SIRT7: variants seen among roughly 807,000 people sequenced by gnomAD.
The protein encoded by SIRT7 is sirtuin 7.
SIRT7 carries 32 observed loss-of-function variants against 42.8 expected under a neutral mutation model. That is an observed-to-expected ratio of 0.75 (90% CI 0.56 to 1.00). SIRT7 has a LOEUF of 1.00. Ranked by LOEUF, SIRT7 falls within the 50% of genes least tolerant of loss-of-function variation. The pLI is 0.00. For synonymous variants in SIRT7, 297 were observed against 245.2 expected (o/e 1.21, Z -1.97); for missense variants, 553 against 572.2 (o/e 0.97, Z 0.34).
rs1310589153 is a variant in SIRT7, at chr17:81,912,266, G to C, written c.*150C>G. On this transcript the variant is annotated 3_prime_UTR_variant, in exon 10 of 10. Transcript: ENST00000328666. ...CAGGGTACAACCGCAGCAGTGCAAG[G>C]GGCTTCCTCAAGGACAAATGGCTAA... 1.7e-5 allele frequency: 17 copies of C among 975,686 alleles called. No individual in the cohort carries two copies. In the East Asian group the frequency reaches 4.1e-4, roughly 24 times the overall value. The allele number at this position is 975,686 out of a possible 1,614,324, so 60.4% of individuals were successfully genotyped here.
At chr17:81,915,074 A>C in intron 5 of SIRT7, 1 of 481,054 alleles carries the variant, frequency 2.1e-6, no homozygotes, top group Non-Finnish European at 3.8e-6. Context: ...TAGGCAGATC[A>C]ACCACTACAC....
rs1206479924 is a variant in SIRT7 at position 81,917,905 on chromosome 17, G to C, written c.156C>G (p.Ala52=). 5 of 1,423,924 alleles carry C rather than the reference G, an allele frequency of 3.5e-6. No homozygotes were observed. Among genetic ancestry groups the C allele is most frequent in the Non-Finnish European group, 3.7e-6 (4 of 1,090,402 alleles). The allele number at this position is 1,423,924 out of a possible 1,614,324, so 88.2% of individuals were successfully genotyped here. A position where few individuals can be genotyped will look rare whatever the true frequency, so the allele number is the denominator to read the frequency against. The change falls in exon 2 of 10, where the codon GCC becomes GCG. Residue 52 remains alanine, a synonymous_variant. Coordinates refer to ENST00000328666, the MANE Select transcript of SIRT7 (RefSeq NM_016538.3). ...GCTCCGTTACCAGGTCCGCGCTCTC[G>C]GCCAGCAGCCGGCCCTCCTCGGCGC... ...ERSAEEGRLL[A]ESADLVTELQ...
rs2040758660 is a variant in SIRT7, at chr17:81,914,628, C to T, written c.555G>A (p.Glu185=). Residue 185 remains glutamate (E), a synonymous_variant, in exon 6 of 10, where the codon GAG becomes GAA. Transcript: ENST00000328666. ...CTTCAATGTACATGTTCCCGTGGAGCTCGGAGATGGCCGTGCGCGGCAGCC... is the reference window on the plus strand; with the variant it reads ...CTTCAATGTACATGTTCCCGTGGAGTTCGGAGATGGCCGTGCGCGGCAGCC... ...RSGLPRTAIS[E]LHGNMYIEVC... is the part of the protein sequence containing the mutation. The T allele has an allele frequency of 6.2e-7, 1 of 1,613,064 alleles. No individual in the cohort carries two copies. Among genetic ancestry groups the T allele is most frequent in the African/African-American group, 1.3e-5 (1 of 74,916 alleles).
In SIRT7 at chr17:81,914,975, G is replaced by C. The variant is rs142413152; in HGVS notation, c.481-273C>G. On this transcript the variant is annotated intron_variant, in intron 5 of 9. Coordinates refer to ENST00000328666, the MANE Select transcript of SIRT7 (RefSeq NM_016538.3). Reference sequence around the variant, plus strand: ...GCAAGAGGTTGCACCGTCCCGGCAAGGTTGGGAAGTGGCTCGGGGTTTGGC... The same window carrying C: ...GCAAGAGGTTGCACCGTCCCGGCAACGTTGGGAAGTGGCTCGGGGTTTGGC... 4.2e-3 allele frequency: 2,257 copies of C among 537,814 alleles called. 33 individuals carry two copies. Among genetic ancestry groups the C allele is most frequent in the African/African-American group, 0.039 (2,065 of 52,758 alleles). The allele number at this position is 537,814 out of a possible 1,614,324, so 33.3% of individuals were successfully genotyped here. A position where few individuals can be genotyped will look rare whatever the true frequency, so the allele number is the denominator to read the frequency against.
intron 9 of SIRT7, 166 bp from the exon 10 acceptor site, chr17:81,912,780 C>T (rs1273222223): frequency 1.4e-6 from 1 of 737,880 alleles, no homozygotes; most frequent in South Asian, 1.6e-5. Flanking sequence ...TACCAAGCTG[C>T]AGAACGGATG....
rs1371726547 is a variant in SIRT7 at position 81,917,615 on chromosome 17, C to A, written c.336G>T (p.Thr112=). ...GGTACGCCTCCGCCTCCCTCCCTAC[C>A]GTGCTGATTCCCGCGCCTGTGTAGA... ...LVVYTGAGIS[T]AASIPDYRGP... is the part of the protein sequence containing the mutation. Residue 112 remains threonine (T), a splice_region_variant and synonymous_variant, in exon 3 of 10, where the codon ACG becomes ACT. Coordinates refer to ENST00000328666, the MANE Select transcript of SIRT7 (RefSeq NM_016538.3). 6.2e-7 allele frequency: 1 copy of A among 1,600,502 alleles called. No homozygotes were observed. Among genetic ancestry groups the A allele is most frequent in the Non-Finnish European group, 8.5e-7 (1 of 1,173,004 alleles).
At position 81,917,948 on chromosome 17, in the gene SIRT7, T is replaced by C; in HGVS notation, c.113A>G (p.Lys38Arg). Residue 38 changes from lysine to arginine, a missense_variant, in exon 2 of 10, where the codon AAG becomes AGG. By Grantham distance (26) the Lys-to-Arg change is conservative. Transcript: ENST00000328666. ...RLRQVSRILR[K>R]AAAERSAEEG... is the part of the protein sequence containing the mutation. ...CTCGGCGCTGCGCTCCGCCGCCGCCTTCCTCAGGATGCGCGACACCTGCGG... is the reference window on the plus strand; with the variant it reads ...CTCGGCGCTGCGCTCCGCCGCCGCCCTCCTCAGGATGCGCGACACCTGCGG... 1 of 1,376,212 alleles carries C rather than the reference T, an allele frequency of 7.3e-7. No individual in the cohort carries two copies. The allele number at this position is 1,376,212 out of a possible 1,614,324, so 85.3% of individuals were successfully genotyped here.
In SIRT7 at chr17:81,912,467, GC is replaced by G; in HGVS notation, c.1151del (p.Gly384AlafsTer16). 1 of 1,613,942 alleles carries G rather than the reference GC, an allele frequency of 6.2e-7. No homozygotes were observed. The highest frequency in any genetic ancestry group is 8.5e-7 in the Non-Finnish European group (1 of 1,179,974). ...GTTTTGTGCAGCCCCTGCCAAACCA[GC>G]CCCCTAGGATGGGGGCCGAGCTAAG... The part of the protein sequence containing the change: ...APLSSAPILG[G>X]WFGRGCTKRT... On this transcript the variant is annotated frameshift_variant, in exon 10 of 10. Coordinates refer to ENST00000328666, the MANE Select transcript of SIRT7 (RefSeq NM_016538.3). LOFTEE classifies it high-confidence loss of function.
chr17:81,915,604 C>T lies in SIRT7; in HGVS notation c.407+7G>A, dbSNP rs980355037. The T allele has an allele frequency of 1.2e-5, 20 of 1,613,646 alleles. No individual in the cohort carries two copies. Among genetic ancestry groups the T allele is most frequent in the Non-Finnish European group, 1.6e-5 (19 of 1,179,940 alleles). ...CCTATGTGGGAGGCCATGCCTGGCCCGCTTACCTAACGCTTCTCCCTTTCT... is the reference window on the plus strand; with the variant it reads ...CCTATGTGGGAGGCCATGCCTGGCCTGCTTACCTAACGCTTCTCCCTTTCT... On this transcript the variant is annotated splice_region_variant and intron_variant, in intron 4 of 9. Transcript: ENST00000328666.
chr17:81,917,587 TG>T, intron 3 of SIRT7, 27 bp downstream of exon 3: 1 of 1,572,572 alleles, frequency 6.4e-7, no homozygotes. Context: ...TACTCCGTCC[TG>T]GGGTACGCCT....
At chr17:81,916,722 C>G (rs1053776553) in intron 3 of SIRT7, 3 of 152,192 alleles carry the variant, frequency 2.0e-5, no homozygotes, top group Non-Finnish European at 4.4e-5. Context: ...ACCTCGGCCT[C>G]CCAAAGTGCT....
chr17:81,915,552 G>C, intron 4 of SIRT7, 40 bp from the exon 5 acceptor site: 2 of 1,613,194 alleles, frequency 1.2e-6, no homozygotes. Context: ...GAGAGCTGGA[G>C]CTCAGGCCCG....
Position 81,914,642 on chromosome 17 carries a change from T to C in SIRT7, c.541A>G (p.Thr181Ala), listed in dbSNP as rs760437939. Residue 181 changes from threonine (T) to alanine (A), a missense_variant, in exon 6 of 10, where the codon ACG (threonine) becomes GCG (alanine). Thr to Ala is a moderately conservative substitution (Grantham distance 58, BLOSUM62 0). Transcript: ENST00000328666. ...GLHLRSGLPR[T>A]AISELHGNMY... ...TTCCCGTGGAGCTCGGAGATGGCCG[T>C]GCGCGGCAGCCCACTCCTCAGGTGG... 1 of 1,613,066 alleles carries C rather than the reference T, an allele frequency of 6.2e-7. No individual in the cohort carries two copies. The highest frequency in any genetic ancestry group is 1.1e-5 in the South Asian group (1 of 91,082).
Position 81,912,414 on chromosome 17 carries a change from G to A in SIRT7, c.*2C>T. The A allele has an allele frequency of 6.2e-7, 1 of 1,614,094 alleles. No homozygotes were observed. Among genetic ancestry groups the A allele is most frequent in the Non-Finnish European group, 8.5e-7 (1 of 1,180,030 alleles). Reference sequence around the variant, plus strand: ...GCCAACTGTTCTTCATCGAGCACGTGATTACGTCACTTTCTTCCTTTTTGT... The same window carrying A: ...GCCAACTGTTCTTCATCGAGCACGTAATTACGTCACTTTCTTCCTTTTTGT... On this transcript the variant is annotated 3_prime_UTR_variant, in exon 10 of 10. Transcript: ENST00000328666.
chr17:81,915,677 G>A lies in SIRT7; in HGVS notation c.341C>T (p.Ala114Val), dbSNP rs760278283. 1.9e-6 allele frequency: 3 copies of A among 1,613,770 alleles called. No homozygotes were observed. The highest frequency in any genetic ancestry group is 2.5e-6 in the Non-Finnish European group (3 of 1,179,966). ...VYTGAGISTA[A>V]SIPDYRGPNG... ...AGGGCCCCGGTAGTCTGGGATAGACGCTGCCTGCATGTCGAGAAAAAAGGT... is the reference window on the plus strand; with the variant it reads ...AGGGCCCCGGTAGTCTGGGATAGACACTGCCTGCATGTCGAGAAAAAAGGT... Residue 114 changes from alanine to valine, a missense_variant, in exon 4 of 10, where the codon GCG (alanine) becomes GTG (valine). Physicochemically the swap from Ala to Val is moderately conservative, Grantham distance 64. Coordinates refer to ENST00000328666, the MANE Select transcript of SIRT7 (RefSeq NM_016538.3).
chr17:81,918,145 A>T lies in SIRT7; in HGVS notation c.-14T>A. ...CCCGGCTGCCATCGCTCCCCTGGAG[A>T]CCTGCTCTTCCGCTTCCGCCTCACA... On this transcript the variant is annotated 5_prime_UTR_variant, in exon 1 of 10. Transcript: ENST00000328666. 1 of 1,535,672 alleles carries T rather than the reference A, an allele frequency of 6.5e-7. No homozygotes were observed. The highest frequency in any genetic ancestry group is 8.7e-7 in the Non-Finnish European group (1 of 1,151,464).
Position 81,917,865 on chromosome 17 carries a change from G to A in SIRT7, c.196C>T (p.Arg66Trp), listed in dbSNP as rs1410228022. ...CGCCGCTTCAGGCCCTCGCGCCGCC[G>A]GCTCCGGCCCTGCAGCTCCGTTACC... Reference protein sequence around the residue: ...DLVTELQGRSRRREGLKRRQE... With the variant: ...DLVTELQGRSWRREGLKRRQE... Residue 66 changes from arginine to tryptophan, a missense_variant, in exon 2 of 10, where the codon CGG (arginine) becomes TGG (tryptophan). By Grantham distance (101) the Arg-to-Trp change is moderately radical (BLOSUM62 -3). Transcript: ENST00000328666. The A allele has an allele frequency of 3.5e-6, 5 of 1,437,486 alleles. No homozygotes were observed. The highest frequency in any genetic ancestry group is 4.5e-6 in the Non-Finnish European group (5 of 1,099,104). 89.0% of individuals were successfully genotyped at this position (1,437,486 alleles called of 1,614,324 possible).
intron 3 of SIRT7, 176 bp downstream of exon 3, chr17:81,917,439 T>G (rs752178756): frequency 2.2e-5 from 12 of 536,944 alleles, no homozygotes; most frequent in Non-Finnish European, 3.3e-5. Flanking sequence ...ACTCCTTGTT[T>G]TTTTTAACTG....
intron 5 of SIRT7, 79 bp from the exon 6 acceptor site, chr17:81,914,781 C>A: frequency 1.7e-6 from 2 of 1,201,186 alleles, no homozygotes. Context: ...CACAGCGAGG[C>A]TGTTCTGAGC....
Sources: gnomAD v4.1 joint callset for allele counts on GRCh38, gnomAD v4.1.1 for gene constraint, MANE v1.5 for transcripts, NCBI Gene and HGNC (gene_info 2026-07-23, HGNC 2026-07-21) for gene names.